ADAM7: variants seen among roughly 807,000 people sequenced by gnomAD.
ADAM7 encodes the protein disintegrin and metalloproteinase domain-containing protein 7.
In ADAM7, 97 loss-of-function variants were observed where a neutral mutation model predicts 102.9. That is an observed-to-expected ratio of 0.94 (90% CI 0.80 to 1.12). The LOEUF is 1.12. Among genes scored for constraint, ADAM7 ranks in the 50% most tolerant of loss-of-function variants. The pLI, the probability that ADAM7 is intolerant of heterozygous loss-of-function variation, is 0.00. For synonymous variants in ADAM7, 334 were observed against 304.4 expected (o/e 1.10, Z -1.01); for missense variants, 991 against 908.7 (o/e 1.09, Z -1.16).
At chr8:24,489,112 A>G (rs960796285) in intron 11 of ADAM7, 47 bp from the exon 12 acceptor site, 1 of 1,526,068 alleles carries the variant, frequency 6.6e-7, no homozygotes, top group African/African-American at 1.4e-5. Context: ...CTGTACCACT[A>G]TGCATTGATA....
chr8:24,460,599 C>A (rs1465807506), intron 3 of ADAM7, among the ~76,000 whole-genome samples: 1 of 151,962 alleles, frequency 6.6e-6, no homozygotes, highest in East Asian at 1.9e-4. Context: ...CATATATTTA[C>A]AATTAATCAT....
At position 24,487,090 on chromosome 8, in the gene ADAM7, G is replaced by T. The variant is rs981195662; in HGVS notation, c.961-97G>T. 2.3e-6 allele frequency: 3 copies of T among 1,280,034 alleles called. No homozygotes were observed. The African/African-American group carries it at 4.5e-5, about 19-fold the overall frequency. The allele number at this position is 1,280,034 out of a possible 1,614,324, so 79.3% of individuals were successfully genotyped here. ...TTTTAAATAGATACCAGTTAACTAG[G>T]AGCTAGAAGCCAGGTCTTTCAACCA... On this transcript the variant is annotated intron_variant, in intron 10 of 21. Transcript: ENST00000175238.
At position 24,477,914 on chromosome 8, in the gene ADAM7, A is replaced by G. The variant is rs115612311; in HGVS notation, c.705+1410A>G. 4.6e-3 allele frequency among the ~76,000 whole-genome samples: 706 copies of G among 152,100 alleles called. 4 individuals are homozygous for G. Among genetic ancestry groups the G allele is most frequent in the African/African-American group, 0.016 (673 of 41,502 alleles). On this transcript the variant is annotated intron_variant, in intron 8 of 21. Coordinates refer to ENST00000175238, the MANE Select transcript of ADAM7 (RefSeq NM_003817.4). ...GTACTCATCAATGGTATTCTTTGTC[A>G]CTACTACCATATATGTACTCAGCTA...
chr8:24,499,188 C>T (rs1429715006), intron 16 of ADAM7, 48 bp from the exon 17 acceptor site: 21 of 1,400,620 alleles, frequency 1.5e-5, no homozygotes, highest in Non-Finnish European at 1.9e-5. Context: ...TACAATTTCA[C>T]ATCAATTGTA....
intron 3 of ADAM7, among the ~76,000 whole-genome samples, chr8:24,452,538 G>A (rs1212667845): frequency 3.3e-5 from 5 of 151,754 alleles, no homozygotes; most frequent in Non-Finnish European, 4.4e-5. Context: ...TTGAGCCTAT[G>A]TGTGTCTCTG....
At chr8:24,461,402 T>C (rs1191376649) in intron 3 of ADAM7, among the ~76,000 whole-genome samples, 1 of 152,204 alleles carries the variant, frequency 6.6e-6, no homozygotes, top group African/African-American at 2.4e-5. Flanking sequence ...TTCCCCAGTA[T>C]GTGTCGTGTT....
intron 3 of ADAM7, among the ~76,000 whole-genome samples, 180 bp from the exon 4 acceptor site, chr8:24,463,701 TG>T (rs1378571965): frequency 1.1e-4 from 17 of 152,186 alleles, no homozygotes; most frequent in African/African-American, 4.1e-4. Context: ...TTATGAACCA[TG>T]ATATTTAAGT....
chr8:24,505,972 G>T, intron 20 of ADAM7: 1 of 724,110 alleles, frequency 1.4e-6, no homozygotes, highest in Non-Finnish European at 2.4e-6. Flanking sequence ...TTATAGACAG[G>T]CCCTGAGATA....
intron 14 of ADAM7, 113 bp downstream of exon 14, chr8:24,492,211 C>A: frequency 1.9e-6 from 2 of 1,062,062 alleles, no homozygotes; most frequent in African/African-American, 1.6e-5. Context: ...GGCATTATTC[C>A]AAGATATTGC....
intron 7 of ADAM7, among the ~76,000 whole-genome samples, chr8:24,472,250 G>C (rs1251139971): frequency 2.0e-5 from 3 of 151,206 alleles, no homozygotes; most frequent in Non-Finnish European, 2.9e-5. Context: ...ATAAATGCAA[G>C]TTTCATTTAA....
At chr8:24,442,340 A>C (rs1435666032) in intron 1 of ADAM7, 133 bp from the exon 2 acceptor site, 1 of 714,488 alleles carries the variant, frequency 1.4e-6, no homozygotes, top group Non-Finnish European at 2.6e-6. Context: ...AAGTGGGAAT[A>C]ACATTTCATA....
intron 3 of ADAM7, among the ~76,000 whole-genome samples, chr8:24,449,913 T>A (rs1189586658): frequency 6.6e-6 from 1 of 152,218 alleles, no homozygotes; most frequent in Non-Finnish European, 1.5e-5. Context: ...GGGAATCCTT[T>A]CCCCATTGCT....
rs137964591 is a variant in ADAM7 at position 24,463,983 on chromosome 8, G to T, written c.312+23G>T. On this transcript the variant is annotated intron_variant, in intron 4 of 21. Coordinates refer to ENST00000175238, the MANE Select transcript of ADAM7 (RefSeq NM_003817.4). ...ATGGTATCTTATGGAACTTTACTGTGTCTCTTCTCTAAAAGCAGTATTTCC... is the reference window on the plus strand; with the variant it reads ...ATGGTATCTTATGGAACTTTACTGTTTCTCTTCTCTAAAAGCAGTATTTCC... 4,524 of 1,587,778 alleles carry T rather than the reference G, an allele frequency of 2.8e-3. 128 individuals are homozygous for T. In the African/African-American group the frequency reaches 0.055, roughly 19 times the overall value.
intron 4 of ADAM7, among the ~76,000 whole-genome samples, chr8:24,465,032 G>A (rs1477892401): frequency 6.6e-6 from 1 of 152,180 alleles, no homozygotes; most frequent in African/African-American, 2.4e-5. Context: ...TGATCCACCC[G>A]CCTTGGCCTC....
chr8:24,501,966 C>G (rs1820776924), intron 20 of ADAM7, among the ~76,000 whole-genome samples: 1 of 152,030 alleles, frequency 6.6e-6, no homozygotes. Flanking sequence ...CCGAGACAGG[C>G]AGATCACCTG....
At chr8:24,505,189 C>A (rs1011815721) in intron 20 of ADAM7, among the ~76,000 whole-genome samples, 2 of 151,976 alleles carry the variant, frequency 1.3e-5, no homozygotes, top group Admixed American at 6.6e-5. Context: ...TAAATTAATA[C>A]GTTAAAATAG....
At chr8:24,501,436 C>T (rs757286326) in intron 19 of ADAM7, 41 bp from the exon 20 acceptor site, 17 of 1,440,456 alleles carry the variant, frequency 1.2e-5, no homozygotes, top group Non-Finnish European at 1.6e-5. Flanking sequence ...CTGAATAGCC[C>T]TATATCTAAT....
intron 6 of ADAM7, among the ~76,000 whole-genome samples, chr8:24,468,139 A>G (rs1441279343): frequency 6.6e-6 from 1 of 152,134 alleles, no homozygotes; most frequent in Non-Finnish European, 1.5e-5. Flanking sequence ...TTTGCTTGGA[A>G]TTGAGACTAC....
intron 7 of ADAM7, among the ~76,000 whole-genome samples, chr8:24,475,329 A>T (rs953011582): frequency 6.6e-6 from 1 of 152,180 alleles, no homozygotes; most frequent in Non-Finnish European, 1.5e-5. Flanking sequence ...CAATCAATGG[A>T]AATCCTGTTG....
Sources: gnomAD v4.1 joint callset for allele counts (sites outside exome capture counted in the v4.1 genomes callset) on GRCh38, gnomAD v4.1.1 for gene constraint, MANE v1.5 for transcripts, NCBI Gene and HGNC (gene_info 2026-07-23, HGNC 2026-07-21) for gene names.